Variants in AFDN observed in about 807,000 individuals in gnomAD.
AFDN encodes the protein afadin, adherens junction formation factor.
AFDN carries 68 observed loss-of-function variants against 216.6 expected under a neutral mutation model. The ratio of observed to expected loss-of-function variants is 0.31; its 90% confidence interval spans 0.26 to 0.38. The LOEUF is 0.38. AFDN is among the 10% of genes least tolerant of loss of function. The pLI, the probability that AFDN is intolerant of heterozygous loss-of-function variation, is 1.00. For missense variants in AFDN, 2,136 were observed against 2,342.0 expected (o/e 0.91, Z 1.82); for synonymous variants, 868 against 853.7 (o/e 1.02, Z -0.29).
Position 167,948,499 on chromosome 6 carries a change from C to T in AFDN, c.3831+21C>T, listed in dbSNP as rs1451681249. The stretch of plus-strand genomic sequence containing the variant: ...TTCAGGTTAGAAATCAAAGATTCCA[C>T]ACACTTTTCTCACCTCTCAAGGAGG... On this transcript the variant is annotated intron_variant, in intron 29 of 33. Coordinates refer to ENST00000683244, the MANE Select transcript of AFDN (RefSeq NM_001386888.1). The T allele has an allele frequency of 2.5e-6, 4 of 1,606,652 alleles. No individual in the cohort carries two copies. In the Admixed American group the frequency reaches 5.0e-5, roughly 20 times the overall value.
At chr6:167,924,816 AT>A in intron 22 of AFDN, 188 bp from the exon 23 acceptor site, 1 of 621,518 alleles carries the variant, frequency 1.6e-6, no homozygotes, top group East Asian at 3.0e-5. Context: ...AAGAATATCG[AT>A]TTAGTTTACC....
chr6:167,894,726 A>C (rs1490540022), intron 9 of AFDN, among the ~76,000 whole-genome samples: 8 of 152,144 alleles, frequency 5.3e-5, no homozygotes, highest in Non-Finnish European at 2.9e-5. Flanking sequence ...TGAGGTGAGG[A>C]GAAGGGAGAG....
chr6:167,901,556 A>G (rs1234593542), intron 11 of AFDN, among the ~76,000 whole-genome samples: 1 of 152,180 alleles, frequency 6.6e-6, no homozygotes, highest in East Asian at 1.9e-4. Context: ...AAAATGTCCC[A>G]CTTTTTAATT....
intron 13 of AFDN, among the ~76,000 whole-genome samples, chr6:167,910,397 T>C (rs926563126): frequency 6.6e-6 from 1 of 152,252 alleles, no homozygotes; most frequent in African/African-American, 2.4e-5. Context: ...TGGAAATAGA[T>C]AAACATCAGC....
intron 30 of AFDN, among the ~76,000 whole-genome samples, chr6:167,955,797 A>G (rs1445901290): frequency 5.9e-5 from 9 of 152,118 alleles, no homozygotes; most frequent in Non-Finnish European, 1.2e-4. Flanking sequence ...TCCCCAGTAC[A>G]TATTATTAAC....
chr6:167,876,304 A>G (rs1216692263), intron 5 of AFDN, among the ~76,000 whole-genome samples: 1 of 152,240 alleles, frequency 6.6e-6, no homozygotes, highest in Non-Finnish European at 1.5e-5. Flanking sequence ...AAAAGATCTC[A>G]GAGAGTACGG....
intron 4 of AFDN, among the ~76,000 whole-genome samples, chr6:167,874,430 CAGTT>C (rs1485059760): frequency 6.6e-6 from 1 of 151,912 alleles, no homozygotes. Context: ...TTAAGTATGT[CAGTT>C]ACCTAGTATT....
intron 6 of AFDN, among the ~76,000 whole-genome samples, chr6:167,888,008 T>C (rs1787081230): frequency 6.6e-6 from 1 of 152,148 alleles, no homozygotes; most frequent in Admixed American, 6.5e-5. Flanking sequence ...TGGATGTTAT[T>C]AGACATGAAA....
chr6:167,832,303 C>T (rs1331813109), intron 1 of AFDN, among the ~76,000 whole-genome samples: 1 of 152,174 alleles, frequency 6.6e-6, no homozygotes, highest in Non-Finnish European at 1.5e-5. Flanking sequence ...GTTCGTGTCT[C>T]TCTATGTGGG....
intron 31 of AFDN, chr6:167,963,582 T>G (rs1340962678): frequency 9.4e-7 from 1 of 1,058,218 alleles, no homozygotes; most frequent in Non-Finnish European, 1.1e-6. Context: ...TGATGTGACT[T>G]CACTTAAATG....
intron 2 of AFDN, 96 bp downstream of exon 2, chr6:167,864,842 C>A: frequency 8.1e-7 from 1 of 1,232,014 alleles, no homozygotes; most frequent in Non-Finnish European, 1.2e-6. Context: ...GTTTACTGCT[C>A]GTCTCCATCT....
intron 19 of AFDN, among the ~76,000 whole-genome samples, chr6:167,916,608 A>G (rs557415458): frequency 2.6e-5 from 4 of 152,202 alleles, no homozygotes; most frequent in Admixed American, 6.5e-5. Context: ...ATGTTTTGCA[A>G]TTAACGAAAT....
At chr6:167,934,548 T>C (rs1430543400) in intron 23 of AFDN, among the ~76,000 whole-genome samples, 1 of 152,190 alleles carries the variant, frequency 6.6e-6, no homozygotes, top group Non-Finnish European at 1.5e-5. Flanking sequence ...AACAGAAGTA[T>C]GCCTGATGAC....
At chr6:167,912,280 T>C (rs1790496475) in intron 15 of AFDN, 1 of 152,224 alleles carries the variant, frequency 6.6e-6, no homozygotes, top group Non-Finnish European at 1.5e-5. Context: ...TAAAAGTAAA[T>C]GTACAGATTT....
At chr6:167,907,388 T>C in intron 13 of AFDN, 99 bp downstream of exon 13, 1 of 869,634 alleles carries the variant, frequency 1.1e-6, no homozygotes, top group Admixed American at 2.1e-5. Flanking sequence ...TCAGCTGACA[T>C]GTTTACAATG....
chr6:167,950,854 CT>C (rs562302204), intron 29 of AFDN, among the ~76,000 whole-genome samples: 1,538 of 127,328 alleles, frequency 0.012, 4 homozygotes, highest in African/African-American at 0.024. Context: ...TGCTTTTTTG[CT>C]TTTTTTTTTT....
chr6:167,863,652 A>C (rs1351021085), intron 1 of AFDN: 2 of 388,236 alleles, frequency 5.2e-6, no homozygotes, highest in Non-Finnish European at 1.0e-5. Context: ...TATTCTCTGG[A>C]ATTTTTGTTG....
At position 167,902,375 on chromosome 6, in the gene AFDN, C is replaced by A; in HGVS notation, c.1639C>A (p.Pro547Thr). 1 of 1,611,786 alleles carries A rather than the reference C, an allele frequency of 6.2e-7. No individual in the cohort carries two copies. The highest frequency in any genetic ancestry group is 8.5e-7 in the Non-Finnish European group (1 of 1,178,366). The change falls in exon 12 of 34, where the codon CCG becomes ACG. Residue 547 changes from proline (P) to threonine (T), a missense_variant. By Grantham distance (38) the Pro-to-Thr change is conservative. This residue lies in a region of AFDN where 817 missense variants were observed against 965.7 expected (regional missense o/e 0.85). Coordinates refer to ENST00000683244, the MANE Select transcript of AFDN (RefSeq NM_001386888.1). ...AGATATTCATAGTGGGACAGCATTA[C>A]CGACAAGCAAGGTAGGTAATTATGG... is the stretch of plus-strand genomic sequence containing the variant. ...GGDIHSGTAL[P>T]TSKSTTRLDS...
chr6:167,948,526 C>A (rs12665666), intron 29 of AFDN, 48 bp downstream of exon 29: 193,634 of 1,533,368 alleles, frequency 0.13, 13,803 homozygotes, highest in South Asian at 0.23. Context: ...TCAAGGAGGA[C>A]ACACTGAGTT....
Sources: gnomAD v4.1 joint callset for allele counts (sites outside exome capture counted in the v4.1 genomes callset) on GRCh38, gnomAD v4.1.1 for gene constraint, gnomAD v4.1.1 regional missense constraint, MANE v1.5 for transcripts, NCBI Gene and HGNC (gene_info 2026-07-23, HGNC 2026-07-21) for gene names.